Variants in BCL2 observed in about 807,000 individuals in gnomAD.
BCL2 encodes apoptosis regulator Bcl-2.
BCL2 carries 1 observed loss-of-function variant against 14.2 expected under a neutral mutation model. The ratio of observed to expected loss-of-function variants is 0.07; its 90% confidence interval spans 0.02 to 0.33. The LOEUF (loss-of-function observed/expected upper bound fraction) is 0.33. BCL2 is among the 10% of genes least tolerant of loss of function. BCL2 has a pLI of 0.99. For synonymous variants in BCL2, 151 were observed against 137.2 expected (o/e 1.10, Z -0.70); for missense variants, 247 against 305.9 (o/e 0.81, Z 1.44).
intron 2 of BCL2, among the ~76,000 whole-genome samples, chr18:63,263,186 G>C (rs1911712208): frequency 6.6e-6 from 1 of 152,164 alleles, no homozygotes; most frequent in Non-Finnish European, 1.5e-5. Flanking sequence ...GGTGTGCGGG[G>C]GGTGCAGTGC....
At chr18:63,273,033 C>T (rs1366466229) in intron 2 of BCL2, among the ~76,000 whole-genome samples, 1 of 148,382 alleles carries the variant, frequency 6.7e-6, no homozygotes, top group African/African-American at 2.5e-5. Context: ...AAAAAAAAAG[C>T]TTTTTAACCT....
chr18:63,273,506 C>T (rs1374710807), intron 2 of BCL2, among the ~76,000 whole-genome samples: 1 of 152,090 alleles, frequency 6.6e-6, no homozygotes, highest in Non-Finnish European at 1.5e-5. Flanking sequence ...AGTAAACTGA[C>T]AATGATAAAG....
At chr18:63,140,370 A>T (rs1914323032) in intron 2 of BCL2, among the ~76,000 whole-genome samples, 1 of 152,268 alleles carries the variant, frequency 6.6e-6, no homozygotes, top group Admixed American at 6.5e-5. Flanking sequence ...ATTATTCATA[A>T]TAGCCAAAAG....
At chr18:63,165,973 G>A (rs962783113) in intron 2 of BCL2, among the ~76,000 whole-genome samples, 2 of 152,194 alleles carry the variant, frequency 1.3e-5, no homozygotes, top group Non-Finnish European at 2.9e-5. Flanking sequence ...AAGCTGTGCC[G>A]TCTGCCTTGA....
chr18:63,163,702 G>A (rs770823296), intron 2 of BCL2, among the ~76,000 whole-genome samples: 6 of 152,134 alleles, frequency 3.9e-5, no homozygotes, highest in Non-Finnish European at 8.8e-5. Flanking sequence ...CTGTGTACAA[G>A]CACTGATCTA....
intron 2 of BCL2, among the ~76,000 whole-genome samples, chr18:63,246,753 T>C (rs1273926729): frequency 6.6e-6 from 1 of 152,214 alleles, no homozygotes; most frequent in Admixed American, 6.5e-5. Context: ...TTATTGCCCA[T>C]GTGGCACCAT....
chr18:63,251,336 C>T (rs1911308211), intron 2 of BCL2, among the ~76,000 whole-genome samples: 2 of 152,066 alleles, frequency 1.3e-5, no homozygotes, highest in Admixed American at 1.3e-4. Flanking sequence ...GTGGCATGTC[C>T]TGAGCCCCTA....
intron 2 of BCL2, among the ~76,000 whole-genome samples, chr18:63,229,636 C>T (rs1377224408): frequency 6.6e-6 from 1 of 152,204 alleles, no homozygotes; most frequent in Non-Finnish European, 1.5e-5. Context: ...ACCCATTTCA[C>T]CTTCTGCTAC....
chr18:63,178,280 T>C (rs1265507536), intron 2 of BCL2, among the ~76,000 whole-genome samples: 1 of 151,954 alleles, frequency 6.6e-6, no homozygotes, highest in East Asian at 1.9e-4. Context: ...CACTCCGAGA[T>C]GCCAAGAGAC....
intron 2 of BCL2, among the ~76,000 whole-genome samples, chr18:63,296,555 C>T (rs1020708825): frequency 3.9e-5 from 6 of 152,208 alleles, no homozygotes; most frequent in East Asian, 1.9e-4. Context: ...CCTCCAGCCT[C>T]GGTCTCCCAC....
intron 2 of BCL2, among the ~76,000 whole-genome samples, chr18:63,221,094 G>T (rs1033506830): frequency 2.6e-5 from 4 of 152,172 alleles, no homozygotes; most frequent in African/African-American, 9.7e-5. Flanking sequence ...AGATAAAAGT[G>T]ACCACTCTTT....
chr18:63,144,163 T>G (rs1914446422), intron 2 of BCL2, among the ~76,000 whole-genome samples: 1 of 152,238 alleles, frequency 6.6e-6, no homozygotes, highest in African/African-American at 2.4e-5. Context: ...TAACTTTGGA[T>G]AGCTCGTTTT....
chr18:63,304,124 C>T (rs1476156618), intron 2 of BCL2, among the ~76,000 whole-genome samples: 1 of 152,034 alleles, frequency 6.6e-6, no homozygotes, highest in Non-Finnish European at 1.5e-5. Flanking sequence ...ACTGCATTGC[C>T]CTGTTTTCAT....
chr18:63,312,537 C>T (rs566474259), intron 2 of BCL2, among the ~76,000 whole-genome samples: 3 of 152,312 alleles, frequency 2.0e-5, no homozygotes, highest in African/African-American at 7.2e-5. Context: ...TCCATTTAAA[C>T]GAACAGACCA....
chr18:63,157,065 CAAT>C (rs1292067184), intron 2 of BCL2, among the ~76,000 whole-genome samples: 1 of 152,194 alleles, frequency 6.6e-6, no homozygotes. Context: ...CACAAATAAA[CAAT>C]TAAGTTAATT....
chr18:63,163,473 G>A (rs1329863139), intron 2 of BCL2, among the ~76,000 whole-genome samples: 1 of 152,160 alleles, frequency 6.6e-6, no homozygotes, highest in Admixed American at 6.5e-5. Flanking sequence ...AGCAGATGAA[G>A]CAACCTTTAG....
At chr18:63,234,810 G>A (rs1910778653) in intron 2 of BCL2, among the ~76,000 whole-genome samples, 1 of 152,314 alleles carries the variant, frequency 6.6e-6, no homozygotes, top group African/African-American at 2.4e-5. Context: ...TGCAAACAGA[G>A]ATAGCATCTA....
chr18:63,160,286 G>A (rs1914888240), intron 2 of BCL2, among the ~76,000 whole-genome samples: 1 of 152,232 alleles, frequency 6.6e-6, no homozygotes, highest in Non-Finnish European at 1.5e-5. Flanking sequence ...CTGCGGGATT[G>A]GGTCCTGTTA....
At position 63,128,099 on chromosome 18, in the gene BCL2, C is replaced by T. The variant is rs563822390; in HGVS notation, c.*526G>A. 3.5e-5 allele frequency: 8 copies of T among 227,174 alleles called. No homozygotes were observed. The South Asian group carries it at 1.3e-3, about 36-fold the overall frequency. 14.1% of individuals were successfully genotyped at this position (227,174 alleles called of 1,614,324 possible). A position where few individuals can be genotyped will look rare whatever the true frequency, so the allele number is the denominator to read the frequency against. On this transcript the variant is annotated 3_prime_UTR_variant, in exon 3 of 3. Coordinates refer to ENST00000333681, the MANE Select transcript of BCL2 (RefSeq NM_000633.3). ...GGACTTCCCCCCACAGGAACCCTCC[C>T]TCTGTTAATATCACAGCCCCCAGGG...
Sources: gnomAD v4.1 joint callset for allele counts (sites outside exome capture counted in the v4.1 genomes callset) on GRCh38, gnomAD v4.1.1 for gene constraint, MANE v1.5 for transcripts, NCBI Gene and HGNC (gene_info 2026-07-23, HGNC 2026-07-21) for gene names.